Variants in SPAG16 observed in about 807,000 individuals in gnomAD.
SPAG16 encodes the protein sperm-associated antigen 16 protein.
A neutral mutation model predicts 80.4 loss-of-function variants in SPAG16; 86 were observed. The observed-to-expected ratio is 1.07, with a 90% CI of 0.90 to 1.28. The LOEUF (loss-of-function observed/expected upper bound fraction) is 1.28. Among genes scored for constraint, SPAG16 ranks in the 50% most tolerant of loss-of-function variants. The probability of loss-of-function intolerance (pLI) is 0.00; values close to 1 mark genes in which losing one functional copy is unlikely to be tolerated. For synonymous variants in SPAG16, 294 were observed against 265.9 expected, an observed-to-expected ratio of 1.11 and a Z score of -1.03; for missense variants, 870 against 765.3, an observed-to-expected ratio of 1.14 and a Z score of -1.61.
At chr2:214,180,808 T>A (rs936713713) in intron 15 of SPAG16, among the ~76,000 whole-genome samples, 1 of 151,742 alleles carries the variant, frequency 6.6e-6, no homozygotes, top group Non-Finnish European at 1.5e-5. Flanking sequence ...ATTTTCGGAA[T>A]AATTAACAAC....
At chr2:213,583,476 A>G (rs2060361300) in intron 10 of SPAG16, among the ~76,000 whole-genome samples, 1 of 152,196 alleles carries the variant, frequency 6.6e-6, no homozygotes, top group African/African-American at 2.4e-5. Flanking sequence ...TAGAAATGAC[A>G]GAAGGTAGAA....
chr2:213,621,802 T>A (rs1299823713), intron 10 of SPAG16, among the ~76,000 whole-genome samples: 1 of 152,218 alleles, frequency 6.6e-6, no homozygotes, highest in Non-Finnish European at 1.5e-5. Flanking sequence ...CCAAGTGTGA[T>A]CTAAAGATAG....
At chr2:213,352,796 T>C (rs1395480470) in intron 7 of SPAG16, among the ~76,000 whole-genome samples, 2 of 152,202 alleles carry the variant, frequency 1.3e-5, no homozygotes, top group African/African-American at 4.8e-5. Context: ...AAGAAATATA[T>C]CTTTATTATC....
intron 13 of SPAG16, among the ~76,000 whole-genome samples, chr2:214,055,343 T>C (rs9973768): frequency 0.97 from 147,025 of 152,240 alleles, 71,127 homozygotes; most frequent in Non-Finnish European, 0.99. Context: ...AATAGCCCAT[T>C]TTGCATTACT....
intron 12 of SPAG16, among the ~76,000 whole-genome samples, chr2:213,954,411 A>G (rs2044013905): frequency 6.6e-6 from 1 of 152,096 alleles, no homozygotes; most frequent in South Asian, 2.1e-4. Context: ...ACATTTGTCT[A>G]TCTAGTCATT....
intron 10 of SPAG16, among the ~76,000 whole-genome samples, chr2:213,660,227 A>T (rs2063368245): frequency 6.6e-6 from 1 of 152,016 alleles, no homozygotes; most frequent in Non-Finnish European, 1.5e-5. Flanking sequence ...AGGTTTCTAA[A>T]TGTCATTTAG....
At chr2:213,526,994 T>C (rs940452987) in intron 10 of SPAG16, among the ~76,000 whole-genome samples, 1 of 152,214 alleles carries the variant, frequency 6.6e-6, no homozygotes, top group Admixed American at 6.5e-5. Flanking sequence ...AGAGAGAAGA[T>C]GACTGTACAG....
chr2:213,550,281 A>T (rs568653002), intron 10 of SPAG16, among the ~76,000 whole-genome samples: 16 of 151,830 alleles, frequency 1.1e-4, no homozygotes, highest in African/African-American at 2.4e-4. Flanking sequence ...CCAATTTTTA[A>T]ATTCTATGGT....
At chr2:214,143,004 G>A (rs898908092) in intron 14 of SPAG16, among the ~76,000 whole-genome samples, 2 of 152,070 alleles carry the variant, frequency 1.3e-5, no homozygotes, top group Admixed American at 6.6e-5. Context: ...TAGTATGCCT[G>A]TCATCCTGTC....
chr2:214,326,551 A>G (rs1374492017), intron 15 of SPAG16, among the ~76,000 whole-genome samples: 1 of 108,644 alleles, frequency 9.2e-6, no homozygotes, highest in African/African-American at 2.5e-5. Flanking sequence ...ATGAGAAATC[A>G]TAATAAGAAG....
intron 12 of SPAG16, among the ~76,000 whole-genome samples, chr2:213,974,959 A>C (rs1190625038): frequency 2.0e-5 from 3 of 150,922 alleles, no homozygotes; most frequent in Admixed American, 6.6e-5. Flanking sequence ...AAAAAAAAAA[A>C]AAAAAACACA....
chr2:213,351,725 CTT>C (rs2125050957), intron 7 of SPAG16, among the ~76,000 whole-genome samples: 1 of 152,212 alleles, frequency 6.6e-6, no homozygotes, highest in South Asian at 2.1e-4. Context: ...TCAAGACATG[CTT>C]TAATCAAGTT....
intron 10 of SPAG16, among the ~76,000 whole-genome samples, chr2:213,593,988 G>C (rs890798041): frequency 6.6e-6 from 1 of 151,126 alleles, no homozygotes; most frequent in Non-Finnish European, 1.5e-5. Flanking sequence ...CGTTAGCCAG[G>C]ATGGTCTCGA....
intron 14 of SPAG16, among the ~76,000 whole-genome samples, chr2:214,124,091 T>C (rs938985061): frequency 1.3e-5 from 2 of 152,044 alleles, no homozygotes; most frequent in Admixed American, 1.3e-4. Context: ...AAAGTCACTG[T>C]AGGTCAGAAC....
At chr2:214,403,045 C>CAA (rs746647263) in intron 15 of SPAG16, among the ~76,000 whole-genome samples, 9 of 66,638 alleles carry the variant, frequency 1.4e-4, no homozygotes, top group African/African-American at 3.9e-4. Flanking sequence ...GGAGCCAATC[C>CAA]AAAAAAAAAA....
chr2:214,286,886 C>T (rs904680374), intron 15 of SPAG16, among the ~76,000 whole-genome samples: 2 of 152,218 alleles, frequency 1.3e-5, no homozygotes, highest in East Asian at 1.9e-4. Context: ...TGATGGATCA[C>T]TTCCATGAAT....
rs970638715 is a variant in SPAG16, at chr2:214,014,043, C to T, written c.1493C>T (p.Ala498Val). 6.2e-7 allele frequency: 1 copy of T among 1,613,438 alleles called. No individual in the cohort carries two copies. Among genetic ancestry groups the T allele is most frequent in the South Asian group, 1.1e-5 (1 of 91,052 alleles). The change falls in exon 13 of 16, where the codon GCA becomes GTA. Residue 498 changes from alanine (A) to valine (V), a missense_variant. Ala to Val is a moderately conservative substitution (Grantham distance 64, BLOSUM62 0). Transcript: ENST00000331683. Reference protein sequence around the residue: ...PFSNTLLTSSADKTLSIWDAR... With the variant: ...PFSNTLLTSSVDKTLSIWDAR... ...TCCAATACTCTTCTCACAAGCTCTG[C>T]AGACAAGACCCTGTCTATATGGGAT...
At chr2:214,285,158 G>A (rs75343054) in intron 15 of SPAG16, among the ~76,000 whole-genome samples, 8,578 of 152,014 alleles carry the variant, frequency 0.056, 832 homozygotes, top group African/African-American at 0.2. Context: ...TTTGATAATA[G>A]ACAATTTAAC....
At chr2:214,098,216 C>G (rs2052740413) in intron 13 of SPAG16, among the ~76,000 whole-genome samples, 1 of 151,992 alleles carries the variant, frequency 6.6e-6, no homozygotes, top group African/African-American at 2.4e-5. Flanking sequence ...TTACCTTTTG[C>G]AACCAGTTAA....
Sources: gnomAD v4.1 joint callset for allele counts (sites outside exome capture counted in the v4.1 genomes callset) on GRCh38, gnomAD v4.1.1 for gene constraint, MANE v1.5 for transcripts, NCBI Gene and HGNC (gene_info 2026-07-23, HGNC 2026-07-21) for gene names.